The following ZGPAT variants were observed in gnomAD, a reference collection of about 807,000 sequenced individuals.
ZGPAT encodes zinc finger CCCH-type with G patch domain-containing protein.
In ZGPAT, 39 loss-of-function variants were observed where a neutral mutation model predicts 47.9. That is an observed-to-expected ratio of 0.81 (90% CI 0.63 to 1.06). The LOEUF is 1.06. Ranked by LOEUF, ZGPAT falls within the 50% of genes least tolerant of loss-of-function variation. The pLI is 0.00. For missense variants in ZGPAT, 717 were observed against 681.4 expected (o/e 1.05, Z -0.58); for synonymous variants, 348 against 292.9 (o/e 1.19, Z -1.92).
At position 63,735,488 on chromosome 20, in the gene ZGPAT, C is replaced by T; in HGVS notation, c.1321C>T (p.Gln441Ter). 6.5e-7 allele frequency: 1 copy of T among 1,543,510 alleles called. No homozygotes were observed. The highest frequency in any genetic ancestry group is 8.7e-7 in the Non-Finnish European group (1 of 1,150,410). The change falls in exon 6 of 7, where the codon CAG becomes TAG. Residue 441 changes from glutamine to a stop codon, truncating the protein, a stop_gained. Transcript: ENST00000355969. LOFTEE classifies it high-confidence loss of function. ...GCGGGCCCTGAGCCTGCGGCTCTTC[C>T]AGACTGAGGAGAAGATCGAGCGAAC... ...AKRALSLRLF[Q>*]TEEKIERTQR...
At chr20:63,733,515 A>G in intron 3 of ZGPAT, 72 bp from the exon 4 acceptor site, 1 of 1,612,064 alleles carries the variant, frequency 6.2e-7, no homozygotes, top group Admixed American at 1.7e-5. Flanking sequence ...CTTGCTCCTC[A>G]TGTCCAGGGT....
chr20:63,719,065 C>CAGAAAAA (rs2091761172), intron 2 of ZGPAT, among the ~76,000 whole-genome samples: 1 of 146,510 alleles, frequency 6.8e-6, no homozygotes. Context: ...GACTCCATCT[C>CAGAAAAA]AAAAAAAAAA....
chr20:63,712,174 T>C (rs948615819), intron 2 of ZGPAT, among the ~76,000 whole-genome samples: 1 of 152,200 alleles, frequency 6.6e-6, no homozygotes, highest in Admixed American at 6.5e-5. Flanking sequence ...TTGAGTTAAT[T>C]TTTGTATATG....
In ZGPAT at chr20:63,734,775, A is replaced by G; in HGVS notation, c.942A>G (p.Arg314=). 1 of 1,612,854 alleles carries G rather than the reference A, an allele frequency of 6.2e-7. No homozygotes were observed. The highest frequency in any genetic ancestry group is 8.5e-7 in the Non-Finnish European group (1 of 1,179,438). Residue 314 remains arginine (R), a synonymous_variant, in exon 5 of 7, where the codon CGA becomes CGG. Coordinates refer to ENST00000355969, the MANE Select transcript of ZGPAT (RefSeq NM_181485.3). ...TTGCTGGCTGGGAGGTGCACACGCGAGGTATAGGCTCCAGACTCCTCACCA... is the reference window on the plus strand; with the variant it reads ...TTGCTGGCTGGGAGGTGCACACGCGGGGTATAGGCTCCAGACTCCTCACCA... ...SAFAGWEVHT[R]GIGSRLLTKM... is the part of the protein sequence containing the mutation.
chr20:63,707,771 A>T (rs963564804), upstream of ZGPAT: 4 of 152,158 alleles, frequency 2.6e-5, no homozygotes, highest in African/African-American at 9.7e-5. Flanking sequence ...GCTCCCCGAC[A>T]AGCAGCCAAA....
chr20:63,733,252 G>C lies in ZGPAT; in HGVS notation c.618G>C (p.Glu206Asp). ...FSHGQVVSLDELRPFQDPDLS... is the reference protein window; with the variant it reads ...FSHGQVVSLDDLRPFQDPDLS... ...ATGGGCAGGTGGTCTCTCTGGATGAGCTGCGCCCCTTCCAGGACCCAGACC... is the reference window on the plus strand; with the variant it reads ...ATGGGCAGGTGGTCTCTCTGGATGACCTGCGCCCCTTCCAGGACCCAGACC... Residue 206 changes from glutamate (E) to aspartate (D), a missense_variant, in exon 3 of 7, where the codon GAG (glutamate) becomes GAC (aspartate). Coordinates refer to ENST00000355969, the MANE Select transcript of ZGPAT (RefSeq NM_181485.3). 2 of 1,613,858 alleles carry C rather than the reference G, an allele frequency of 1.2e-6. No individual in the cohort carries two copies. Among genetic ancestry groups the C allele is most frequent in the East Asian group, 2.2e-5 (1 of 44,888 alleles).
rs1430630311 is a variant in ZGPAT at position 63,709,066 on chromosome 20, G to A, written c.486G>A (p.Ser162=). The change falls in exon 2 of 7, where the codon TCG becomes TCA. Residue 162 remains serine (S), a synonymous_variant. Coordinates refer to ENST00000355969, the MANE Select transcript of ZGPAT (RefSeq NM_181485.3). The stretch of plus-strand genomic sequence containing the variant: ...GAACGGAAGAGGCGGAGGATGGCTC[G>A]GCGGGTGTCCGTGTGCTTTACCTGT... The part of the protein sequence containing the change: ...VVGTEEAEDG[S]AGVRVLYLYP... The A allele has an allele frequency of 6.2e-7, 1 of 1,613,494 alleles. No individual in the cohort carries two copies. The highest frequency in any genetic ancestry group is 1.1e-5 in the South Asian group (1 of 91,088).
chr20:63,708,583 GGAC>G lies in ZGPAT; in HGVS notation c.6_8del (p.Asp2del). The G allele has an allele frequency of 6.3e-7, 1 of 1,591,914 alleles. No individual in the cohort carries two copies. Among genetic ancestry groups the G allele is most frequent in the Non-Finnish European group, 8.6e-7 (1 of 1,165,738 alleles). ...GTCCAGCGCCTCCCTCTCTCAGCAT[GGAC>G]GAGGAGAGCCTGGAGTCGGCCTTGC... is the stretch of plus-strand genomic sequence containing the variant. On this transcript the variant is annotated inframe_deletion, in exon 2 of 7. Transcript: ENST00000355969.
Position 63,733,277 on chromosome 20 carries a change from C to G in ZGPAT, c.643C>G (p.Leu215Val). The change falls in exon 3 of 7, where the codon CTG becomes GTG. Residue 215 changes from leucine to valine, a missense_variant. Coordinates refer to ENST00000355969, the MANE Select transcript of ZGPAT (RefSeq NM_181485.3). ...GCTGCGCCCCTTCCAGGACCCAGAC[C>G]TGAGCTCCCTGCAGGCCGGCTCTGC... ...DELRPFQDPD[L>V]SSLQAGSACL... 6.2e-7 allele frequency: 1 copy of G among 1,613,798 alleles called. No homozygotes were observed. Among genetic ancestry groups the G allele is most frequent in the Non-Finnish European group, 8.5e-7 (1 of 1,179,970 alleles).
chr20:63,728,276 T>C (rs1326806300), intron 2 of ZGPAT, among the ~76,000 whole-genome samples: 3 of 152,136 alleles, frequency 2.0e-5, no homozygotes, highest in African/African-American at 7.2e-5. Context: ...GACCTTGTGA[T>C]CCGCCCACCT....
rs557673673 is a variant in ZGPAT at position 63,709,179 on chromosome 20, T to G, written c.584+15T>G. 6.2e-7 allele frequency: 1 copy of G among 1,605,520 alleles called. No individual in the cohort carries two copies. Among genetic ancestry groups the G allele is most frequent in the South Asian group, 1.1e-5 (1 of 91,086 alleles). The stretch of plus-strand genomic sequence containing the variant: ...GAGAACTGCAGGTAAAGCCCTTTGT[T>G]GTCAGATGCCAACCTTAGGGGCGTA... On this transcript the variant is annotated intron_variant, in intron 2 of 6. Transcript: ENST00000355969.
rs2091614444 is a variant in ZGPAT, at chr20:63,708,922, G to C, written c.342G>C (p.Ala114=). ...AAGCAGAGGCGGGGCCAGAATCTGC[G>C]GCAGGTGGGCAGGAGGAGGAAGAGG... is the stretch of plus-strand genomic sequence containing the variant. The part of the protein sequence containing the change: ...VPKAEAGPES[A]AGGQEEEEGE... Residue 114 remains alanine (A), a synonymous_variant, in exon 2 of 7, where the codon GCG becomes GCC. Transcript: ENST00000355969. 6.2e-6 allele frequency: 10 copies of C among 1,612,576 alleles called. No homozygotes were observed. Among genetic ancestry groups the C allele is most frequent in the South Asian group, 3.3e-5 (3 of 91,036 alleles).
chr20:63,731,559 GGTGT>G (rs368348803), intron 2 of ZGPAT, among the ~76,000 whole-genome samples: 4,703 of 91,874 alleles, frequency 0.051, 236 homozygotes, highest in African/African-American at 0.14. Flanking sequence ...GTTGGCCCTT[GGTGT>G]GTGTATGTGT....
chr20:63,718,721 G>A (rs2091757230), intron 2 of ZGPAT, among the ~76,000 whole-genome samples: 1 of 151,878 alleles, frequency 6.6e-6, no homozygotes, highest in African/African-American at 2.4e-5. Flanking sequence ...CTCCCAAGGT[G>A]CTGAGATTAC....
intron 2 of ZGPAT, among the ~76,000 whole-genome samples, chr20:63,718,547 C>T (rs1026894818): frequency 7.9e-5 from 12 of 151,986 alleles, no homozygotes; most frequent in Admixed American, 2.6e-4. Flanking sequence ...TCTCGAATTC[C>T]TGACCTCAGG....
At chr20:63,733,014 G>A (rs2145699858) in intron 2 of ZGPAT, among the ~76,000 whole-genome samples, 1 of 151,780 alleles carries the variant, frequency 6.6e-6, no homozygotes, top group South Asian at 2.1e-4. Flanking sequence ...GTGCATGTGT[G>A]TATGTGTGCG....
intron 2 of ZGPAT, among the ~76,000 whole-genome samples, chr20:63,729,493 A>C (rs1324417947): frequency 6.6e-6 from 1 of 152,158 alleles, no homozygotes; most frequent in Non-Finnish European, 1.5e-5. Flanking sequence ...TTTATGTATG[A>C]AAACCCAGTT....
At chr20:63,717,332 C>CTTTTTTTTTTTTTTTTTTTTTT (rs1173734420) in intron 2 of ZGPAT, among the ~76,000 whole-genome samples, 1 of 60,956 alleles carries the variant, frequency 1.6e-5, no homozygotes, top group African/African-American at 6.8e-5. Context: ...TTTTTCTTTT[C>CTTTTTTTTTTTTTTTTTTTTTT]TTTTTTTTTT....
intron 2 of ZGPAT, among the ~76,000 whole-genome samples, chr20:63,728,683 A>G (rs1400859928): frequency 6.6e-6 from 1 of 152,162 alleles, no homozygotes; most frequent in Non-Finnish European, 1.5e-5. Flanking sequence ...ACAGCCCCAA[A>G]TGATCAGGGC....
Sources: allele counts gnomAD v4.1 joint callset (sites outside exome capture counted in the v4.1 genomes callset), GRCh38; gene constraint gnomAD v4.1.1; transcripts MANE v1.5; gene names NCBI Gene and HGNC (gene_info 2026-07-23, HGNC 2026-07-21).